Variants in PAQR5 observed in about 807,000 individuals in gnomAD.
The protein encoded by PAQR5 is membrane progestin receptor gamma.
PAQR5 carries 20 observed loss-of-function variants against 34.5 expected under a neutral mutation model. The ratio of observed to expected loss-of-function variants is 0.58; its 90% CI spans 0.41 to 0.84. PAQR5 has a LOEUF of 0.84. Among genes scored for constraint, PAQR5 ranks in the 40% least tolerant of loss-of-function variants. PAQR5 has a pLI of 0.00. For synonymous variants in PAQR5, 131 were observed against 155.6 expected (o/e 0.84, Z 1.18); for missense variants, 378 against 412.7 (o/e 0.92, Z 0.73).
intron 5 of PAQR5, among the ~76,000 whole-genome samples, chr15:69,387,298 C>A (rs886327668): frequency 6.6e-6 from 1 of 152,172 alleles, no homozygotes; most frequent in Non-Finnish European, 1.5e-5. Flanking sequence ...AAGCCCTGGT[C>A]CAGGCCCCTG....
Position 69,403,973 on chromosome 15 carries a change from G to A in PAQR5, c.*151G>A, listed in dbSNP as rs3743096. On this transcript the variant is annotated 3_prime_UTR_variant, in exon 9 of 9. Coordinates refer to ENST00000395407, the MANE Select transcript of PAQR5 (RefSeq NM_017705.4). The stretch of plus-strand genomic sequence containing the variant: ...GAATTCATGTCAAAAATGTTATTCA[G>A]CTGGGGAAATTTCTCTAAATGTACA... 1.2e-6 allele frequency: 1 copy of A among 819,240 alleles called. No individual in the cohort carries two copies. The highest frequency in any genetic ancestry group is 1.9e-6 in the Non-Finnish European group (1 of 533,342). 50.7% of individuals were successfully genotyped at this position (819,240 alleles called of 1,614,324 possible).
rs1486807915 is a variant in PAQR5, at chr15:69,407,711, T to C, written c.*3889T>C. On this transcript the variant is annotated 3_prime_UTR_variant, in exon 9 of 9. Transcript: ENST00000395407. Reference sequence around the variant, plus strand: ...ACACTGCAAATATGTTAATTCACCATGAGAAACAGATCCCTGTACACATGT... The same window carrying C: ...ACACTGCAAATATGTTAATTCACCACGAGAAACAGATCCCTGTACACATGT... 6.6e-6 allele frequency: 1 copy of C among 152,192 alleles called. No homozygotes were observed. Among genetic ancestry groups the C allele is most frequent in the Non-Finnish European group, 1.5e-5 (1 of 68,036 alleles). The allele number at this position is 152,192 out of a possible 1,614,324, so 9.4% of individuals were successfully genotyped here.
chr15:69,396,797 T>G (rs1595943381), intron 6 of PAQR5: 1 of 268,896 alleles, frequency 3.7e-6, no homozygotes, highest in Non-Finnish European at 7.2e-6. Flanking sequence ...ATGTTCTGTC[T>G]GGGGGGACCT....
chr15:69,333,763 C>T (rs550232907), intron 1 of PAQR5, among the ~76,000 whole-genome samples: 4 of 152,222 alleles, frequency 2.6e-5, no homozygotes, highest in Non-Finnish European at 5.9e-5. Flanking sequence ...GCATGCTTTC[C>T]CGGCCCTGCT....
chr15:69,373,138 C>G (rs1385865409), intron 3 of PAQR5, among the ~76,000 whole-genome samples: 2 of 152,146 alleles, frequency 1.3e-5, no homozygotes, highest in African/African-American at 4.8e-5. Context: ...TGAGTCTCTT[C>G]TTCTGCCTCC....
intron 1 of PAQR5, among the ~76,000 whole-genome samples, chr15:69,307,011 G>C (rs371336600): frequency 6.6e-6 from 1 of 152,050 alleles, no homozygotes; most frequent in African/African-American, 2.4e-5. Flanking sequence ...ACTTAGCATA[G>C]TGTCTTCAAT....
intron 1 of PAQR5, among the ~76,000 whole-genome samples, chr15:69,328,602 C>T (rs1410993880): frequency 6.6e-6 from 1 of 152,114 alleles, no homozygotes; most frequent in Non-Finnish European, 1.5e-5. Context: ...GCCTGGCCAG[C>T]CTGGAAAGAC....
Position 69,322,757 on chromosome 15 carries a change from A to AGAAGATGAG in PAQR5, c.-276-14579_-276-14578insTGAGGAAGA, listed in dbSNP as rs1566997859. Among the ~76,000 whole-genome samples the AGAAGATGAG allele has an allele frequency of 1.7e-3, 48 of 28,382 alleles. 5 individuals carry two copies. The Middle Eastern group carries it at 0.039, about 23-fold the overall frequency. 18.6% of individuals were successfully genotyped at this position (28,382 alleles called of 152,430 possible). On this transcript the variant is annotated intron_variant, in intron 1 of 8. Transcript: ENST00000395407. ...AAGAAGAAGAAGAAGAAGAAGAAGAAGAAGAAGAAGAAGAGGGAGAAGAAG... is the reference window on the plus strand; with the variant it reads ...AAGAAGAAGAAGAAGAAGAAGAAGAAGAAGATGAGGAAGAAGAAGAAGAGGGAGAAGAAG...
chr15:69,373,192 C>CA (rs2055610058), intron 3 of PAQR5, among the ~76,000 whole-genome samples: 1 of 152,138 alleles, frequency 6.6e-6, no homozygotes, highest in South Asian at 2.1e-4. Flanking sequence ...GGGCCGACCT[C>CA]GGTAAACAGA....
At chr15:69,370,964 G>A (rs1357161194) in intron 3 of PAQR5, among the ~76,000 whole-genome samples, 1 of 152,212 alleles carries the variant, frequency 6.6e-6, no homozygotes, top group Non-Finnish European at 1.5e-5. Context: ...ATGTTTGAAA[G>A]AGTAATAAAA....
At chr15:69,397,600 C>T in intron 7 of PAQR5, 36 bp downstream of exon 7, 1 of 1,332,964 alleles carries the variant, frequency 7.5e-7, no homozygotes, top group Middle Eastern at 1.8e-4. Flanking sequence ...TGCCTGTTGG[C>T]AACACCAGGA....
intron 4 of PAQR5, chr15:69,380,250 A>G (rs1310626445): frequency 2.1e-6 from 1 of 472,278 alleles, no homozygotes; most frequent in East Asian, 3.8e-5. Flanking sequence ...AAAGTGCCTC[A>G]GTCCTTCCTG....
intron 3 of PAQR5, among the ~76,000 whole-genome samples, chr15:69,367,308 T>C (rs574285988): frequency 4.2e-4 from 64 of 152,212 alleles, no homozygotes; most frequent in Non-Finnish European, 7.9e-4. Flanking sequence ...CCCTTCCACC[T>C]GTTTTATAAT....
At chr15:69,377,583 C>T (rs774402644) in intron 3 of PAQR5, among the ~76,000 whole-genome samples, 46 of 152,176 alleles carry the variant, frequency 3.0e-4, no homozygotes, top group Non-Finnish European at 4.7e-4. Flanking sequence ...CAGTTCAACC[C>T]AGAACTGAAC....
At chr15:69,368,813 T>G (rs553429227) in intron 3 of PAQR5, among the ~76,000 whole-genome samples, 2 of 152,322 alleles carry the variant, frequency 1.3e-5, no homozygotes, top group African/African-American at 2.4e-5. Context: ...TCACCCAGGC[T>G]GGAGTGTCAT....
chr15:69,311,371 GAT>G (rs565864238), intron 1 of PAQR5, among the ~76,000 whole-genome samples: 12 of 152,296 alleles, frequency 7.9e-5, no homozygotes, highest in Admixed American at 4.6e-4. Context: ...TGATTGGACT[GAT>G]GAAGCCTGGA....
At chr15:69,368,666 A>T (rs974989428) in intron 3 of PAQR5, among the ~76,000 whole-genome samples, 1 of 152,084 alleles carries the variant, frequency 6.6e-6, no homozygotes, top group Non-Finnish European at 1.5e-5. Context: ...CTTTCTTTGG[A>T]TCTTTCAGTT....
chr15:69,329,343 G>T (rs971690929), intron 1 of PAQR5, among the ~76,000 whole-genome samples: 1 of 151,954 alleles, frequency 6.6e-6, no homozygotes, highest in African/African-American at 2.4e-5. Context: ...GGTGGTTATC[G>T]GAGGCTGGGA....
intron 1 of PAQR5, among the ~76,000 whole-genome samples, chr15:69,324,141 A>AG (rs2054194302): frequency 6.9e-6 from 1 of 144,964 alleles, no homozygotes; most frequent in East Asian, 2.1e-4. Context: ...AAAAAAAAAA[A>AG]AAAGAAAAAA....
Sources: gnomAD v4.1 joint callset for allele counts (sites outside exome capture counted in the v4.1 genomes callset) on GRCh38, gnomAD v4.1.1 for gene constraint, MANE v1.5 for transcripts, NCBI Gene and HGNC (gene_info 2026-07-23, HGNC 2026-07-21) for gene names.